PLCXD3: variants seen among roughly 807,000 people sequenced by gnomAD.
PLCXD3 encodes phosphatidylinositol specific phospholipase C X domain containing 3, also known as PI-PLC X domain-containing protein 3.
PLCXD3 carries 19 observed loss-of-function variants against 25.5 expected under a neutral mutation model. The observed-to-expected ratio is 0.75, with a 90% CI of 0.52 to 1.09. The LOEUF is 1.09. Ranked by LOEUF, PLCXD3 falls within the 50% of genes least tolerant of loss-of-function variation. The pLI is 0.00. For synonymous variants in PLCXD3, 174 were observed against 137.6 expected, an observed-to-expected ratio of 1.26 and a Z score of -1.85; for missense variants, 411 against 388.1, an observed-to-expected ratio of 1.06 and a Z score of -0.50.
chr5:41,507,045 G>T (rs898457285), intron 1 of PLCXD3, among the ~76,000 whole-genome samples: 3 of 152,148 alleles, frequency 2.0e-5, no homozygotes, highest in African/African-American at 7.2e-5. Flanking sequence ...TGGACAGAAT[G>T]ACTCTCTGTC....
rs565379755 is a variant in PLCXD3, at chr5:41,492,799, TC to T, written c.103+17624del. Among the ~76,000 whole-genome samples the T allele has an allele frequency of 6.2e-4, 94 of 152,360 alleles. 1 individual carries two copies. The highest frequency in any genetic ancestry group is 6.1e-3 in the Admixed American group (94 of 15,312). On this transcript the variant is annotated intron_variant, in intron 1 of 2. Transcript: ENST00000377801. ...AGCCCCATCAGCTCCTTTAAGCACT[TC>T]TCTGTATTGGTTATTCTAGTTTACA...
intron 1 of PLCXD3, among the ~76,000 whole-genome samples, chr5:41,440,215 ATTTTTTTTTTTTTTTTTT>A (rs70988846): frequency 3.2e-4 from 13 of 41,062 alleles, no homozygotes; most frequent in East Asian, 1.7e-3. Flanking sequence ...TAATCTCTCA[ATTTTTTTTTTTTTTTTTT>A]TTTTTTTTTT....
intron 1 of PLCXD3, among the ~76,000 whole-genome samples, chr5:41,475,298 T>G (rs1487312540): frequency 6.6e-6 from 1 of 152,154 alleles, no homozygotes; most frequent in East Asian, 1.9e-4. Context: ...ATTCATCTGG[T>G]TGATTTTAGT....
intron 1 of PLCXD3, among the ~76,000 whole-genome samples, chr5:41,488,799 G>A (rs1463875965): frequency 6.8e-6 from 1 of 146,904 alleles, no homozygotes; most frequent in East Asian, 2.0e-4. Context: ...TTGTAAATTT[G>A]TTTGAGTTCA....
chr5:41,441,858 A>T (rs548984813), intron 1 of PLCXD3, among the ~76,000 whole-genome samples: 3 of 152,246 alleles, frequency 2.0e-5, no homozygotes, highest in Non-Finnish European at 4.4e-5. Context: ...CACACATGGG[A>T]TACAAATGCT....
chr5:41,444,347 A>C (rs998644676), intron 1 of PLCXD3, among the ~76,000 whole-genome samples: 7 of 152,160 alleles, frequency 4.6e-5, no homozygotes, highest in Non-Finnish European at 8.8e-5. Context: ...TAATGATAGC[A>C]CTTCAAGTAC....
chr5:41,389,564 C>T (rs1342098726), intron 1 of PLCXD3, among the ~76,000 whole-genome samples: 2 of 152,094 alleles, frequency 1.3e-5, no homozygotes, highest in African/African-American at 4.8e-5. Context: ...TAGCTAAAGG[C>T]TCCCGTGTAC....
chr5:41,368,008 T>C (rs180686657), intron 2 of PLCXD3, among the ~76,000 whole-genome samples: 13 of 152,286 alleles, frequency 8.5e-5, no homozygotes, highest in Admixed American at 8.5e-4. Context: ...TGTGTCTGTT[T>C]TTGGGAATGG....
chr5:41,395,692 A>G (rs1745981440), intron 1 of PLCXD3, among the ~76,000 whole-genome samples: 2 of 152,160 alleles, frequency 1.3e-5, no homozygotes, highest in African/African-American at 2.4e-5. Flanking sequence ...ATGCCAATAA[A>G]TTGGAAAATA....
chr5:41,487,025 G>T (rs1748533392), intron 1 of PLCXD3, among the ~76,000 whole-genome samples: 1 of 143,364 alleles, frequency 7.0e-6, no homozygotes, highest in Non-Finnish European at 1.6e-5. Flanking sequence ...CCAAAGCAGT[G>T]TTAAAAATAA....
chr5:41,432,777 C>G (rs1170426109), intron 1 of PLCXD3, among the ~76,000 whole-genome samples: 1 of 152,178 alleles, frequency 6.6e-6, no homozygotes, highest in African/African-American at 2.4e-5. Flanking sequence ...GTGAGGTCAA[C>G]CAATCTTTTG....
intron 1 of PLCXD3, among the ~76,000 whole-genome samples, chr5:41,439,499 A>G (rs1580374145): frequency 1.3e-5 from 2 of 151,988 alleles, no homozygotes; most frequent in South Asian, 4.2e-4. Flanking sequence ...ATTGAGGAGT[A>G]CCCTTTCTCC....
In PLCXD3 at chr5:41,322,971, T is replaced by TA. The variant is rs57326151; in HGVS notation, c.813-9202dup. Among the ~76,000 whole-genome samples the TA allele has an allele frequency of 2.4e-4, 34 of 139,498 alleles. No individual in the cohort carries two copies. The South Asian group carries it at 2.7e-3, about 11-fold the overall frequency. 91.5% of individuals were successfully genotyped at this position (139,498 alleles called of 152,430 possible). A position where few individuals can be genotyped will look rare whatever the true frequency, so the allele number is the denominator to read the frequency against. ...CCTGGTGACAGAACAAGACTCTGTC[T>TA]AAAAAAAAAAAAAAGAAAAGAAAAA... On this transcript the variant is annotated intron_variant, in intron 2 of 2. Transcript: ENST00000377801.
At chr5:41,395,542 G>C (rs1458153804) in intron 1 of PLCXD3, among the ~76,000 whole-genome samples, 1 of 151,918 alleles carries the variant, frequency 6.6e-6, no homozygotes, top group Non-Finnish European at 1.5e-5. Context: ...TTTTTGAAAA[G>C]TTAAACAAAA....
chr5:41,351,777 T>C (rs1248367819), intron 2 of PLCXD3, among the ~76,000 whole-genome samples: 2 of 152,220 alleles, frequency 1.3e-5, no homozygotes, highest in African/African-American at 4.8e-5. Context: ...TTGCCTATCA[T>C]AGATAGATAA....
At chr5:41,330,609 T>C (rs1048067637) in intron 2 of PLCXD3, among the ~76,000 whole-genome samples, 1 of 152,178 alleles carries the variant, frequency 6.6e-6, no homozygotes, top group African/African-American at 2.4e-5. Context: ...GCCAGCATCA[T>C]CCTGATACCA....
intron 1 of PLCXD3, among the ~76,000 whole-genome samples, chr5:41,473,046 T>G (rs559795020): frequency 6.6e-6 from 1 of 152,262 alleles, no homozygotes; most frequent in Non-Finnish European, 1.5e-5. Context: ...ATATATTTTA[T>G]GAAGAGATTT....
In PLCXD3 at chr5:41,311,097, A is replaced by T. The variant is rs1743127015; in HGVS notation, c.*2520T>A. ...TGATATGATGAAAAATCTGTTTTCCATTATATTTATAAAATTAAATTCATG... is the reference window on the plus strand; with the variant it reads ...TGATATGATGAAAAATCTGTTTTCCTTTATATTTATAAAATTAAATTCATG... On this transcript the variant is annotated 3_prime_UTR_variant, in exon 3 of 3. Coordinates refer to ENST00000377801, the MANE Select transcript of PLCXD3 (RefSeq NM_001005473.3). The T allele has an allele frequency of 6.6e-6, 1 of 152,162 alleles. No homozygotes were observed. Among genetic ancestry groups the T allele is most frequent in the African/African-American group, 2.4e-5 (1 of 41,456 alleles). 9.4% of individuals were successfully genotyped at this position (152,162 alleles called of 1,614,324 possible).
intron 1 of PLCXD3, among the ~76,000 whole-genome samples, chr5:41,485,165 C>T (rs962486415): frequency 5.3e-5 from 8 of 152,142 alleles, no homozygotes; most frequent in African/African-American, 1.9e-4. Context: ...GGACACTATT[C>T]TACTTCCATT....
Sources: gnomAD v4.1 joint callset for allele counts (sites outside exome capture counted in the v4.1 genomes callset) on GRCh38, gnomAD v4.1.1 for gene constraint, MANE v1.5 for transcripts, NCBI Gene and HGNC (gene_info 2026-07-23, HGNC 2026-07-21) for gene names.